The following TNRC6B variants were observed in gnomAD, a reference collection of about 807,000 sequenced individuals.
TNRC6B encodes trinucleotide repeat containing adaptor 6B.
TNRC6B carries 52 observed loss-of-function variants against 203.6 expected under a neutral mutation model. The ratio of observed to expected loss-of-function variants is 0.26; its 90% CI spans 0.20 to 0.32. The LOEUF (loss-of-function observed/expected upper bound fraction) is 0.32. TNRC6B is among the 10% of genes least tolerant of loss of function. TNRC6B has a pLI of 1.00. For synonymous variants in TNRC6B, 838 were observed against 845.7 expected (o/e 0.99, Z 0.16); for missense variants, 1,923 against 2,286.2 (o/e 0.84, Z 3.24).
At chr22:40,160,397 A>G (rs1482604239) in intron 4 of TNRC6B, among the ~76,000 whole-genome samples, 3 of 149,672 alleles carry the variant, frequency 2.0e-5, no homozygotes, top group Non-Finnish European at 4.4e-5. Flanking sequence ...AATGGCTTGC[A>G]CCTGGGAGGC....
intron 1 of TNRC6B, among the ~76,000 whole-genome samples, chr22:40,048,727 A>G (rs2067716962): frequency 6.6e-6 from 1 of 152,180 alleles, no homozygotes; most frequent in Admixed American, 6.5e-5. Flanking sequence ...GAATGTACAC[A>G]GTCAGGATCA....
intron 7 of TNRC6B, among the ~76,000 whole-genome samples, chr22:40,275,358 T>G (rs1026131734): frequency 6.6e-6 from 1 of 152,218 alleles, no homozygotes; most frequent in African/African-American, 2.4e-5. Flanking sequence ...CTCTCTAGGT[T>G]GACAACCAAG....
chr22:40,188,078 GGGCGCC>G (rs1332722574), intron 1 of TNRC6B, among the ~76,000 whole-genome samples: 1 of 152,034 alleles, frequency 6.6e-6, no homozygotes, highest in Non-Finnish European at 1.5e-5. Flanking sequence ...AAAATTAGCT[GGGCGCC>G]TGTAATCCCA....
At chr22:40,226,149 A>G (rs913657656) in intron 1 of TNRC6B, among the ~76,000 whole-genome samples, 4 of 152,212 alleles carry the variant, frequency 2.6e-5, no homozygotes, top group Admixed American at 6.5e-5. Flanking sequence ...ATTTTCGTCA[A>G]GGTAATTCAA....
At chr22:40,160,962 A>AT (rs776341373) in intron 4 of TNRC6B, among the ~76,000 whole-genome samples, 4 of 152,030 alleles carry the variant, frequency 2.6e-5, no homozygotes, top group Non-Finnish European at 4.4e-5. Flanking sequence ...TGTATCACCT[A>AT]TTTATATATA....
chr22:40,311,999 C>T (rs1050031169), intron 17 of TNRC6B, among the ~76,000 whole-genome samples: 8 of 152,190 alleles, frequency 5.3e-5, no homozygotes, highest in African/African-American at 1.9e-4. Context: ...TATGTATATT[C>T]TAGGCTTTCT....
intron 1 of TNRC6B, among the ~76,000 whole-genome samples, chr22:40,096,446 C>G (rs2068186626): frequency 6.6e-6 from 1 of 152,190 alleles, no homozygotes; most frequent in Admixed American, 6.5e-5. Context: ...CAAACTTGCA[C>G]TAGCATACAG....
At chr22:40,045,498 C>G (rs1490381622) in intron 1 of TNRC6B, 2 of 152,230 alleles carry the variant, frequency 1.3e-5, no homozygotes, top group Non-Finnish European at 2.9e-5. Context: ...GCGTCCGCCC[C>G]TGGCTGGCGG....
chr22:40,127,227 T>C (rs1406543983), intron 3 of TNRC6B, among the ~76,000 whole-genome samples: 1 of 152,180 alleles, frequency 6.6e-6, no homozygotes, highest in East Asian at 1.9e-4. Context: ...AAAACAACTC[T>C]TTCCATTTCT....
At chr22:40,045,323 C>T (rs1394939583) in intron 1 of TNRC6B, among the ~76,000 whole-genome samples, 2 of 146,188 alleles carry the variant, frequency 1.4e-5, no homozygotes, top group African/African-American at 5.0e-5. Flanking sequence ...CGGGGCGCCC[C>T]GAACGGCCGG....
At chr22:40,150,173 C>A (rs974530866) in intron 3 of TNRC6B, among the ~76,000 whole-genome samples, 1 of 152,018 alleles carries the variant, frequency 6.6e-6, no homozygotes, top group Admixed American at 6.6e-5. Context: ...GTCAGGAGAT[C>A]AAGACCATCC....
intron 1 of TNRC6B, among the ~76,000 whole-genome samples, chr22:40,218,247 A>T (rs531695917): frequency 6.6e-6 from 1 of 151,620 alleles, no homozygotes; most frequent in Admixed American, 6.6e-5. Context: ...AGAACTAGGC[A>T]TTCTGAACAG....
intron 1 of TNRC6B, among the ~76,000 whole-genome samples, chr22:40,049,742 T>C (rs749623210): frequency 2.0e-5 from 3 of 152,154 alleles, no homozygotes; most frequent in Non-Finnish European, 4.4e-5. Context: ...TAGCTGGGAT[T>C]GCAGGCGCAC....
chr22:40,274,117 G>A (rs986807061), intron 7 of TNRC6B, among the ~76,000 whole-genome samples: 1 of 152,132 alleles, frequency 6.6e-6, no homozygotes, highest in African/African-American at 2.4e-5. Flanking sequence ...TGGGTAAAAT[G>A]AAGTTTTCAA....
rs115291260 is a variant in TNRC6B, at chr22:40,218,129, A to G, written c.6-27886A>G. Among the ~76,000 whole-genome samples, 304 of 152,222 alleles carry G rather than the reference A, an allele frequency of 2.0e-3. 1 individual carries two copies. Among genetic ancestry groups the G allele is most frequent in the African/African-American group, 7.2e-3 (297 of 41,536 alleles). ...TCCTTTACAGACTATGGCTACTAAT[A>G]TCAAAGTGCTTGTAATATTCTTAGA... On this transcript the variant is annotated intron_variant, in intron 1 of 22. Coordinates refer to ENST00000454349, the MANE Select transcript of TNRC6B (RefSeq NM_001162501.2).
At chr22:40,171,608 A>G (rs1601857171) in intron 4 of TNRC6B, among the ~76,000 whole-genome samples, 2 of 152,150 alleles carry the variant, frequency 1.3e-5, no homozygotes, top group African/African-American at 4.8e-5. Flanking sequence ...AAGTCTCTGA[A>G]AAGCTTATGG....
rs560479773 is a variant in TNRC6B at position 40,278,948 on chromosome 22, C to T, written c.3262+904C>T. ...TAGGGACGGGATTTCGCCATTTTGG[C>T]CAGGCTGGTCTCGAACTCCTGACCT... On this transcript the variant is annotated intron_variant, in intron 9 of 22. Transcript: ENST00000454349. Among the ~76,000 whole-genome samples, 8 of 152,338 alleles carry T rather than the reference C, an allele frequency of 5.3e-5. No individual in the cohort carries two copies. In the East Asian group the frequency reaches 1.5e-3, roughly 29 times the overall value.
intron 12 of TNRC6B, among the ~76,000 whole-genome samples, chr22:40,287,687 C>G (rs2070806821): frequency 6.6e-6 from 1 of 152,198 alleles, no homozygotes; most frequent in Admixed American, 6.5e-5. Flanking sequence ...CCTTTGGTAT[C>G]AGGCTGACAG....
chr22:40,159,292 T>A (rs1238911650), intron 4 of TNRC6B, among the ~76,000 whole-genome samples: 2 of 148,260 alleles, frequency 1.3e-5, no homozygotes, highest in African/African-American at 5.0e-5. Flanking sequence ...ATAAAAGTAA[T>A]GTAATATAAG....
Sources: gnomAD v4.1 joint callset for allele counts (sites outside exome capture counted in the v4.1 genomes callset) on GRCh38, gnomAD v4.1.1 for gene constraint, MANE v1.5 for transcripts, NCBI Gene and HGNC (gene_info 2026-07-23, HGNC 2026-07-21) for gene names.